Variants in PFAS observed in about 807,000 individuals in gnomAD.
The protein encoded by PFAS is FGAM synthase.
Under a neutral mutation model 140.6 loss-of-function variants are expected in PFAS, and 97 were observed. The observed-to-expected ratio is 0.69, with a 90% CI of 0.59 to 0.82. The LOEUF (loss-of-function observed/expected upper bound fraction) is 0.82, where lower values mean the gene tolerates loss of function less well. Among genes scored for constraint, PFAS ranks in the 40% least tolerant of loss-of-function variants. The probability of loss-of-function intolerance (pLI) is 0.00; values close to 1 mark genes in which losing one functional copy is unlikely to be tolerated. For synonymous variants in PFAS, 679 were observed against 718.8 expected (o/e 0.94, Z 0.88); for missense variants, 1,656 against 1,780.2 (o/e 0.93, Z 1.26).
intron 17 of PFAS, 80 bp from the exon 18 acceptor site, chr17:8,264,815 C>G: frequency 9.1e-7 from 1 of 1,104,852 alleles, no homozygotes; most frequent in South Asian, 1.5e-5. Context: ...TCCCACTGCC[C>G]TGAGTGCCTT....
chr17:8,255,456 T>G (rs894344379), intron 4 of PFAS, 46 bp from the exon 5 acceptor site: 25 of 1,392,974 alleles, frequency 1.8e-5, no homozygotes, highest in Non-Finnish European at 2.4e-5. Context: ...TTTCTCTCCA[T>G]TCTTAAACTC....
rs199652453 is a variant in PFAS at position 8,264,428 on chromosome 17, C to T, written c.1918-42C>T. On this transcript the variant is annotated intron_variant, in intron 16 of 27. Transcript: ENST00000314666. ...CACTTTGTCGCCTGTGTGCCCAGCC[C>T]GCCCCAGGTGTTCACACTGCCTGTC... is the stretch of plus-strand genomic sequence containing the variant. 635 of 1,612,348 alleles carry T rather than the reference C, an allele frequency of 3.9e-4. 2 individuals are homozygous for T. In the African/African-American group the frequency reaches 6.6e-3, roughly 17 times the overall value.
chr17:8,247,869 C>A (rs1597407084), upstream of PFAS: 11 of 816,754 alleles, frequency 1.3e-5, no homozygotes, highest in East Asian at 3.0e-4. Context: ...AGGAGCGGAC[C>A]GACTCACAAC....
At chr17:8,251,574 T>G (rs1302281364) in intron 1 of PFAS, among the ~76,000 whole-genome samples, 1 of 152,072 alleles carries the variant, frequency 6.6e-6, no homozygotes, top group Non-Finnish European at 1.5e-5. Context: ...GCATTGGGAT[T>G]ATAGGCGTGA....
At chr17:8,250,655 C>G (rs532167360) in intron 1 of PFAS, among the ~76,000 whole-genome samples, 1 of 152,138 alleles carries the variant, frequency 6.6e-6, no homozygotes, top group African/African-American at 2.4e-5. Context: ...ATGGGGAGGG[C>G]CTTTGAATGT....
chr17:8,263,589 G>A lies in PFAS; in HGVS notation c.1582G>A (p.Glu528Lys). The change falls in exon 14 of 28, where the codon GAG becomes AAG. Residue 528 changes from glutamate (E) to lysine (K), a missense_variant. Physicochemically the swap from Glu to Lys is moderately conservative, Grantham distance 56. This residue lies in a region of PFAS where 773 missense variants were observed against 757.3 expected (regional missense o/e 1.02). Coordinates refer to ENST00000314666, the MANE Select transcript of PFAS (RefSeq NM_012393.3). ...CCTCTCACCAGGCAATGTCCTAAAAGAGCTGAGTGACCCAGCTGGAGCCAT... is the reference window on the plus strand; with the variant it reads ...CCTCTCACCAGGCAATGTCCTAAAAAAGCTGAGTGACCCAGCTGGAGCCAT... ...GAGGNGNVLK[E>K]LSDPAGAIIY... 6.2e-7 allele frequency: 1 copy of A among 1,614,038 alleles called. No individual in the cohort carries two copies.
chr17:8,256,615 G>T lies in PFAS; in HGVS notation c.913G>T (p.Val305Phe), dbSNP rs1279033486. Reference sequence around the variant, plus strand: ...GCAACAGCAAGGGCTGAGACATGTTGTCTTCACAGCAGAGACTCACAACTT... The same window carrying T: ...GCAACAGCAAGGGCTGAGACATGTTTTCTTCACAGCAGAGACTCACAACTT... ...FQQQQGLRHV[V>F]FTAETHNFPT... Residue 305 changes from valine to phenylalanine, a missense_variant, in exon 8 of 28, where the codon GTC becomes TTC. Val to Phe is a conservative substitution (Grantham distance 50, BLOSUM62 -1). This residue lies in a region of PFAS where 773 missense variants were observed against 757.3 expected (regional missense o/e 1.02). Coordinates refer to ENST00000314666, the MANE Select transcript of PFAS (RefSeq NM_012393.3). The T allele has an allele frequency of 6.2e-7, 1 of 1,614,206 alleles. No individual in the cohort carries two copies. The highest frequency in any genetic ancestry group is 1.7e-5 in the Admixed American group (1 of 60,032).
chr17:8,254,795 C>G (rs1989294277), intron 3 of PFAS, among the ~76,000 whole-genome samples: 1 of 152,180 alleles, frequency 6.6e-6, no homozygotes, highest in Admixed American at 6.5e-5. Flanking sequence ...CAGAGCAAGA[C>G]TCTGCCTCAC....
chr17:8,260,113 A>G (rs1047048463), intron 11 of PFAS, among the ~76,000 whole-genome samples: 7 of 151,366 alleles, frequency 4.6e-5, no homozygotes, highest in Non-Finnish European at 8.9e-5. Flanking sequence ...AAAAAAAAAA[A>G]TTTTTTTTTA....
chr17:8,249,202 G>A (rs141856851), upstream of PFAS: 1 of 152,150 alleles, frequency 6.6e-6, no homozygotes, highest in Admixed American at 6.5e-5. Flanking sequence ...GAATTCGGCC[G>A]GGTGGCTGGG....
upstream of PFAS, among the ~76,000 whole-genome samples, chr17:8,249,012 C>T (rs928701869): frequency 6.6e-6 from 1 of 152,208 alleles, no homozygotes; most frequent in African/African-American, 2.4e-5. Flanking sequence ...AGAAGGGCTT[C>T]CTCGTAATGC....
intron 18 of PFAS, 28 bp downstream of exon 18, chr17:8,265,153 GAGCCCCC>G (rs1989759171): frequency 6.3e-7 from 1 of 1,584,800 alleles, no homozygotes; most frequent in East Asian, 2.3e-5. Flanking sequence ...TTCTATCCTG[GAGCCCCC>G]GGGCTTCAGG....
intron 17 of PFAS, 65 bp downstream of exon 17, chr17:8,264,666 A>G: frequency 6.7e-7 from 1 of 1,488,162 alleles, no homozygotes; most frequent in Non-Finnish European, 9.0e-7. Context: ...CTGCCCTCCC[A>G]CCCTTAGAAA....
Position 8,267,137 on chromosome 17 carries a change from G to A in PFAS, c.3077G>A (p.Arg1026His), listed in dbSNP as rs1053658282. Residue 1026 changes from arginine to histidine, a missense_variant, in exon 24 of 28, where the codon CGC becomes CAC. Coordinates refer to ENST00000314666, the MANE Select transcript of PFAS (RefSeq NM_012393.3). The surrounding 1 kb of genome is among the most constrained non-coding windows in gnomAD (Gnocchi z 4.9). Reference protein sequence around the residue: ...FQLDRLQAEPRCVAEEERGLR... With the variant: ...FQLDRLQAEPHCVAEEERGLR... Reference sequence around the variant, plus strand: ...CTGGACCGGCTACAGGCAGAGCCTCGCTGTGTGGCAGAGGAGGAACGGGGC... The same window carrying A: ...CTGGACCGGCTACAGGCAGAGCCTCACTGTGTGGCAGAGGAGGAACGGGGC... The A allele has an allele frequency of 5.0e-6, 8 of 1,612,056 alleles. No homozygotes were observed. Among genetic ancestry groups the A allele is most frequent in the Admixed American group, 3.3e-5 (2 of 59,738 alleles).
At position 8,256,341 on chromosome 17, in the gene PFAS, A is replaced by G. The variant is rs775947544; in HGVS notation, c.755A>G (p.Glu252Gly). The change falls in exon 7 of 28, where the codon GAG becomes GGG. Residue 252 changes from glutamate to glycine, a missense_variant. Around this residue, in one of 2 missense-constraint regions of PFAS, gnomAD observed 773 missense variants for 757.3 expected, o/e 1.02. Transcript: ENST00000314666. ...CAGAAGCTGGTGCACTCACTGTTTGAGTCCATCATGAGCACCCAGGAATCC... is the reference window on the plus strand; with the variant it reads ...CAGAAGCTGGTGCACTCACTGTTTGGGTCCATCATGAGCACCCAGGAATCC... ...DGQKLVHSLF[E>G]SIMSTQESSN... is the part of the protein sequence containing the mutation. 5.0e-6 allele frequency: 8 copies of G among 1,613,910 alleles called. No homozygotes were observed. The highest frequency in any genetic ancestry group is 6.8e-6 in the Non-Finnish European group (8 of 1,180,012).
chr17:8,262,804 A>G, intron 11 of PFAS, 116 bp from the exon 12 acceptor site: 1 of 796,548 alleles, frequency 1.3e-6, no homozygotes, highest in Non-Finnish European at 2.2e-6. Flanking sequence ...TCAAAAAAAA[A>G]AAAGCTGGTC....
At chr17:8,257,050 G>T in intron 9 of PFAS, 87 bp downstream of exon 9, 2 of 1,398,614 alleles carry the variant, frequency 1.4e-6, no homozygotes, top group African/African-American at 1.4e-5. Flanking sequence ...GGTCCATAGG[G>T]TTATCCTGTG....
In PFAS at chr17:8,265,136, C is replaced by A; in HGVS notation, c.2280+11C>A. On this transcript the variant is annotated intron_variant, in intron 18 of 27. Transcript: ENST00000314666. The stretch of plus-strand genomic sequence containing the variant: ...GTCACTGACCTCCGGGTGAGTTCTC[C>A]CACAGCTTCTATCCTGGAGCCCCCG... 1 of 1,604,726 alleles carries A rather than the reference C, an allele frequency of 6.2e-7. No homozygotes were observed. Among genetic ancestry groups the A allele is most frequent in the East Asian group, 2.2e-5 (1 of 44,696 alleles).
Position 8,263,517 on chromosome 17 carries a change from G to A in PFAS, c.1568-58G>A, listed in dbSNP as rs1051065518. On this transcript the variant is annotated intron_variant, in intron 13 of 27. Transcript: ENST00000314666. The stretch of plus-strand genomic sequence containing the variant: ...CAGGCCCCTTTGGAGGCCAGGGACT[G>A]CCCTTTGTTGCCTGACCACCACTAG... The A allele has an allele frequency of 7.7e-6, 11 of 1,435,292 alleles. No homozygotes were observed. In the African/African-American group the frequency reaches 1.3e-4, roughly 16 times the overall value. 88.9% of individuals were successfully genotyped at this position (1,435,292 alleles called of 1,614,324 possible). A position where few individuals can be genotyped will look rare whatever the true frequency, so the allele number is the denominator to read the frequency against.
Sources: gnomAD v4.1 joint callset for allele counts (sites outside exome capture counted in the v4.1 genomes callset) on GRCh38, gnomAD v4.1.1 for gene constraint, gnomAD v4.1.1 regional missense constraint, Gnocchi (gnomAD v3.1) non-coding constraint, MANE v1.5 for transcripts, NCBI Gene and HGNC (gene_info 2026-07-23, HGNC 2026-07-21) for gene names.